Variants in SARNP observed in about 807,000 individuals in gnomAD.
SARNP encodes SAP domain containing ribonucleoprotein.
SARNP carries 5 observed loss-of-function variants against 38.1 expected under a neutral mutation model. The ratio of observed to expected loss-of-function variants is 0.13; its 90% CI spans 0.07 to 0.28. The LOEUF is 0.28. SARNP is among the 10% of genes least tolerant of loss of function. The pLI, the probability that SARNP is intolerant of heterozygous loss-of-function variation, is 1.00. For missense variants in SARNP, 180 were observed against 243.9 expected (o/e 0.74, Z 1.75); for synonymous variants, 84 against 80.6 (o/e 1.04, Z -0.23).
chr12:55,799,939 C>T (rs1879930602), intron 4 of SARNP, among the ~76,000 whole-genome samples: 1 of 151,528 alleles, frequency 6.6e-6, no homozygotes, highest in Non-Finnish European at 1.5e-5. Flanking sequence ...CCTGTAATCC[C>T]AGCACTTTGG....
chr12:55,792,966 T>A (rs1202019332), intron 7 of SARNP: 3 of 152,240 alleles, frequency 2.0e-5, no homozygotes, highest in Non-Finnish European at 4.4e-5. Flanking sequence ...ATTACAGGCA[T>A]GAGCCACCAT....
At chr12:55,754,782 G>A (rs1878451828), downstream of SARNP, 1 of 152,196 alleles carries the variant, frequency 6.6e-6, no homozygotes, top group African/African-American at 2.4e-5. Flanking sequence ...CCTTCACAAT[G>A]GGGTTCCTTT....
At chr12:55,789,695 G>A (rs1879606157) in intron 8 of SARNP, among the ~76,000 whole-genome samples, 2 of 152,128 alleles carry the variant, frequency 1.3e-5, no homozygotes, top group African/African-American at 4.8e-5. Flanking sequence ...TGTAATCCTA[G>A]AAGTTTGGGA....
rs367926867 is a variant in SARNP at position 55,791,694 on chromosome 12, C to CAAAAAAGA, written c.407-1110_407-1103dup. Reference sequence around the variant, plus strand: ...TGGGCGACAGAGCAAGACTCCATCTCAAAAAAGAAAAAAAGAAAAAAAGAG... The same window carrying CAAAAAAGA: ...TGGGCGACAGAGCAAGACTCCATCTCAAAAAAGAAAAAAAGAAAAAAAGAAAAAAAGAG... On this transcript the variant is annotated intron_variant, in intron 7 of 10. Transcript: ENST00000336133. Among the ~76,000 whole-genome samples the CAAAAAAGA allele has an allele frequency of 6.6e-5, 10 of 150,760 alleles. No homozygotes were observed. The Middle Eastern group carries it at 0.014, about 205-fold the overall frequency.
At position 55,800,554 on chromosome 12, in the gene SARNP, A is replaced by G. The variant is rs757894308; in HGVS notation, c.251+8T>C. The G allele has an allele frequency of 1.9e-6, 3 of 1,578,396 alleles. No individual in the cohort carries two copies. The South Asian group carries it at 3.4e-5, about 18-fold the overall frequency. ...TCTGTACTCAGATTATAAAAAAGGGATAATTACACATCAACAGTTTTTTCA... is the reference window on the plus strand; with the variant it reads ...TCTGTACTCAGATTATAAAAAAGGGGTAATTACACATCAACAGTTTTTTCA... On this transcript the variant is annotated splice_region_variant and intron_variant, in intron 4 of 10. Transcript: ENST00000336133.
At chr12:55,791,667 C>G (rs757925781) in intron 7 of SARNP, among the ~76,000 whole-genome samples, 19 of 151,882 alleles carry the variant, frequency 1.3e-4, no homozygotes, top group Non-Finnish European at 2.5e-4. Context: ...TGTGCTCCAG[C>G]CTGGGCGACA....
At chr12:55,776,172 C>A (rs1318523410) in intron 9 of SARNP, among the ~76,000 whole-genome samples, 1 of 152,132 alleles carries the variant, frequency 6.6e-6, no homozygotes, top group African/African-American at 2.4e-5. Flanking sequence ...AGGCTAGGTG[C>A]AGTGGCTTCC....
At chr12:55,785,228 T>C (rs1879456242) in intron 9 of SARNP, among the ~76,000 whole-genome samples, 1 of 152,164 alleles carries the variant, frequency 6.6e-6, no homozygotes, top group Non-Finnish European at 1.5e-5. Flanking sequence ...CAATCAATGT[T>C]ATTAGAGAAG....
intron 4 of SARNP, among the ~76,000 whole-genome samples, chr12:55,796,452 G>T (rs185657291): frequency 1.2e-4 from 19 of 152,220 alleles, no homozygotes; most frequent in African/African-American, 4.3e-4. Context: ...GCCCAGGCTG[G>T]AGTGCAATGG....
At chr12:55,802,890 T>C (rs1346467666) in intron 2 of SARNP, among the ~76,000 whole-genome samples, 1 of 148,118 alleles carries the variant, frequency 6.8e-6, no homozygotes, top group South Asian at 2.1e-4. Flanking sequence ...ACAGACTAGA[T>C]AACTACACAG....
intron 8 of SARNP, among the ~76,000 whole-genome samples, chr12:55,789,512 C>A (rs1879600942): frequency 6.6e-6 from 1 of 152,182 alleles, no homozygotes; most frequent in Non-Finnish European, 1.5e-5. Flanking sequence ...GCAAGTATTT[C>A]TTAACTCTAT....
intron 9 of SARNP, among the ~76,000 whole-genome samples, chr12:55,787,457 G>A (rs748309060): frequency 6.6e-6 from 1 of 152,034 alleles, no homozygotes; most frequent in Non-Finnish European, 1.5e-5. Context: ...CTTTTTTTGA[G>A]ACAGAGTCTC....
intron 1 of SARNP, among the ~76,000 whole-genome samples, chr12:55,813,924 C>T (rs1050979701): frequency 6.6e-6 from 1 of 152,148 alleles, no homozygotes; most frequent in Non-Finnish European, 1.5e-5. Flanking sequence ...TATGGTTTTT[C>T]TTATTTTCAA....
intron 1 of SARNP, among the ~76,000 whole-genome samples, chr12:55,810,735 G>A (rs888678952): frequency 1.3e-5 from 2 of 151,550 alleles, no homozygotes; most frequent in African/African-American, 4.8e-5. Flanking sequence ...TTACAGGCAT[G>A]AGCTACCACA....
At position 55,766,622 on chromosome 12, in the gene SARNP, G is replaced by T. The variant is rs1342125990; in HGVS notation, c.502-5982C>A. On this transcript the variant is annotated intron_variant, in intron 9 of 10. Coordinates refer to ENST00000336133, the MANE Select transcript of SARNP (RefSeq NM_033082.4). ...ATTTTGTGGGTTTTTTTGGCGGGGG[G>T]GGGGGGGGGGTTGTTTTTTTGAGAC... Among the ~76,000 whole-genome samples, 3 of 131,884 alleles carry T rather than the reference G, an allele frequency of 2.3e-5. 1 individual carries two copies. The highest frequency in any genetic ancestry group is 8.7e-5 in the African/African-American group (3 of 34,308). The allele number at this position is 131,884 out of a possible 152,430, so 86.5% of individuals were successfully genotyped here.
intron 1 of SARNP, chr12:55,815,824 GA>G (rs1472958241): frequency 2.0e-5 from 3 of 152,232 alleles, no homozygotes; most frequent in Non-Finnish European, 2.9e-5. Context: ...GTAGTTTTAT[GA>G]AGCCCCTCAA....
intron 9 of SARNP, among the ~76,000 whole-genome samples, chr12:55,785,849 C>G (rs116212238): frequency 5.9e-5 from 9 of 151,894 alleles, no homozygotes; most frequent in African/African-American, 2.2e-4. Flanking sequence ...TCATGGCTCA[C>G]TGCAGCCTCA....
intron 1 of SARNP, among the ~76,000 whole-genome samples, chr12:55,807,568 C>A (rs900202173): frequency 6.7e-6 from 1 of 149,792 alleles, no homozygotes; most frequent in Non-Finnish European, 1.5e-5. Flanking sequence ...TTTGAGAGGC[C>A]GAGGCAGGCG....
intron 2 of SARNP, 143 bp from the exon 3 acceptor site, chr12:55,801,043 A>G (rs1879965530): frequency 2.9e-6 from 2 of 681,934 alleles, no homozygotes; most frequent in African/African-American, 3.6e-5. Context: ...AATCTGCTAC[A>G]TCTGGAGAAG....
Sources: allele counts gnomAD v4.1 joint callset (sites outside exome capture counted in the v4.1 genomes callset), GRCh38; gene constraint gnomAD v4.1.1; transcripts MANE v1.5; gene names NCBI Gene and HGNC (gene_info 2026-07-23, HGNC 2026-07-21).